Variants in USP20 observed in about 807,000 individuals in gnomAD.
USP20 encodes the protein ubiquitin specific peptidase 20.
USP20 carries 80 observed loss-of-function variants against 124.2 expected under a neutral mutation model. That is an observed-to-expected ratio of 0.64 (90% CI 0.54 to 0.78). The LOEUF is 0.78. Among genes scored for constraint, USP20 ranks in the 30% least tolerant of loss-of-function variants. The pLI, the probability that USP20 is intolerant of heterozygous loss-of-function variation, is 0.00. For missense variants in USP20, 1,043 were observed against 1,244.4 expected, an observed-to-expected ratio of 0.84 and a Z score of 2.44; for synonymous variants, 481 against 512.3, an observed-to-expected ratio of 0.94 and a Z score of 0.83.
chr9:129,869,612 G>A (rs762866457), intron 13 of USP20, 60 bp from the exon 14 acceptor site: 1 of 1,599,358 alleles, frequency 6.3e-7, no homozygotes, highest in Non-Finnish European at 8.5e-7. Context: ...CCTGCTGCTT[G>A]GGGTTTGGGG....
At chr9:129,875,856 A>ACAGG (rs1160960124) in intron 21 of USP20, among the ~76,000 whole-genome samples, 30 of 152,372 alleles carry the variant, frequency 2.0e-4, no homozygotes, top group African/African-American at 7.0e-4. Flanking sequence ...GGGACAGGAA[A>ACAGG]CTGGCTGAAG....
chr9:129,858,512 T>C lies in USP20; in HGVS notation c.244T>C (p.Trp82Arg). Residue 82 changes from tryptophan to arginine, a missense_variant, in exon 6 of 26, where the codon TGG (tryptophan) becomes CGG (arginine). Physicochemically the swap from Trp to Arg is moderately radical, Grantham distance 101. Transcript: ENST00000372429. The stretch of plus-strand genomic sequence containing the variant: ...CGTGAACCTGACCACGTTCCGACTG[T>C]GGTGTTACGCCTGTGAGAAGGAGGT... Reference protein sequence around the residue: ...LTVNLTTFRLWCYACEKEVFL... With the variant: ...LTVNLTTFRLRCYACEKEVFL... The C allele has an allele frequency of 2.5e-6, 4 of 1,614,162 alleles. No individual in the cohort carries two copies. The highest frequency in any genetic ancestry group is 3.4e-6 in the Non-Finnish European group (4 of 1,180,026).
chr9:129,850,252 G>A (rs914874466), intron 2 of USP20, among the ~76,000 whole-genome samples: 5 of 151,906 alleles, frequency 3.3e-5, no homozygotes, highest in African/African-American at 7.3e-5. Flanking sequence ...TTAATGTGAC[G>A]GTAAGTTCTG....
intron 1 of USP20, among the ~76,000 whole-genome samples, chr9:129,841,885 G>T (rs998583469): frequency 2.6e-5 from 4 of 152,100 alleles, no homozygotes; most frequent in African/African-American, 2.4e-5. Flanking sequence ...TTGCTGGGCT[G>T]GTTGGCCTGC....
chr9:129,879,675 T>C lies in USP20; in HGVS notation c.2584+31T>C. 6.2e-7 allele frequency: 1 copy of C among 1,612,198 alleles called. No homozygotes were observed. The highest frequency in any genetic ancestry group is 8.5e-7 in the Non-Finnish European group (1 of 1,178,580). On this transcript the variant is annotated intron_variant, in intron 24 of 25. Transcript: ENST00000372429. The surrounding 1 kb of genome is among the most constrained non-coding windows in gnomAD (Gnocchi z 4.2). ...TTCCCCCTGGGGTCAGCCAGGCTCC[T>C]CTCTGCCCTTCCTGGCTGCCAGGCT...
At chr9:129,880,310 C>G (rs988420349) in intron 25 of USP20, 21 bp downstream of exon 25, 4 of 1,543,484 alleles carry the variant, frequency 2.6e-6, no homozygotes, top group Admixed American at 2.0e-5. Context: ...CCGGCTGGTC[C>G]CTCCATGGCA....
intron 6 of USP20, among the ~76,000 whole-genome samples, chr9:129,860,066 C>T (rs1311956194): frequency 1.3e-5 from 2 of 151,826 alleles, no homozygotes; most frequent in East Asian, 1.9e-4. Context: ...CGCGGTGGCT[C>T]ATTCCTGTAA....
intron 11 of USP20, 138 bp downstream of exon 11, chr9:129,868,587 C>CG: frequency 7.0e-7 from 1 of 1,437,110 alleles, no homozygotes; most frequent in Non-Finnish European, 9.1e-7. Flanking sequence ...AGTCAGCCTC[C>CG]GGGGGGGCTC....
chr9:129,841,359 T>C (rs1158883843), intron 1 of USP20, among the ~76,000 whole-genome samples: 1 of 152,238 alleles, frequency 6.6e-6, no homozygotes, highest in Non-Finnish European at 1.5e-5. Flanking sequence ...GCCCTAAAGA[T>C]CTTATTTTAA....
In USP20 at chr9:129,877,654, C is replaced by T. The variant is rs115547109; in HGVS notation, c.2410-684C>T. On this transcript the variant is annotated intron_variant, in intron 22 of 25. Coordinates refer to ENST00000372429, the MANE Select transcript of USP20 (RefSeq NM_001110303.4). ...TCAAGGCTGCAGTGAGCCATGATTG[C>T]GCCGCTGCACTCCCGCCTGGGCACA... is the stretch of plus-strand genomic sequence containing the variant. Among the ~76,000 whole-genome samples the T allele has an allele frequency of 4.0e-3, 614 of 151,946 alleles. 4 individuals carry two copies. Among genetic ancestry groups the T allele is most frequent in the African/African-American group, 0.014 (594 of 41,428 alleles).
rs1174611760 is a variant in USP20, at chr9:129,878,348, C to A, written c.2420C>A (p.Ala807Asp). Reference protein sequence around the residue: ...EIDTFIKLNKAFQAEESPGVI... With the variant: ...EIDTFIKLNKDFQAEESPGVI... Reference sequence around the variant, plus strand: ...CTGCCCGCCTGCCAGTTGAACAAGGCCTTCCAGGCCGAGGAGTCGCCGGGC... The same window carrying A: ...CTGCCCGCCTGCCAGTTGAACAAGGACTTCCAGGCCGAGGAGTCGCCGGGC... The change falls in exon 23 of 26, where the codon GCC (alanine) becomes GAC (aspartate). Residue 807 changes from alanine to aspartate, a missense_variant. Physicochemically the swap from Ala to Asp is moderately radical, Grantham distance 126 (BLOSUM62 -2). Coordinates refer to ENST00000372429, the MANE Select transcript of USP20 (RefSeq NM_001110303.4). The A allele has an allele frequency of 5.0e-6, 8 of 1,592,768 alleles. No individual in the cohort carries two copies. The highest frequency in any genetic ancestry group is 6.0e-6 in the Non-Finnish European group (7 of 1,169,774).
rs1449575667 is a variant in USP20 at position 129,863,117 on chromosome 9, G to A, written c.498-69G>A. 3.1e-6 allele frequency: 4 copies of A among 1,295,494 alleles called. No individual in the cohort carries two copies. In the East Asian group the frequency reaches 1.1e-4, roughly 34 times the overall value. The allele number at this position is 1,295,494 out of a possible 1,614,324, so 80.2% of individuals were successfully genotyped here. A position where few individuals can be genotyped will look rare whatever the true frequency, so the allele number is the denominator to read the frequency against. On this transcript the variant is annotated intron_variant, in intron 8 of 25. Coordinates refer to ENST00000372429, the MANE Select transcript of USP20 (RefSeq NM_001110303.4). The stretch of plus-strand genomic sequence containing the variant: ...GCGAGCACTCAGGGCTCCCCGCTAT[G>A]CAGCCCTTTCTAAACTGCCGCATGC...
chr9:129,835,515 C>T lies in USP20; in HGVS notation c.-129+16C>T, dbSNP rs2031741831. 1 of 293,588 alleles carries T rather than the reference C, an allele frequency of 3.4e-6. No individual in the cohort carries two copies. The highest frequency in any genetic ancestry group is 6.4e-5 in the South Asian group (1 of 15,532). 18.2% of individuals were successfully genotyped at this position (293,588 alleles called of 1,614,324 possible). On this transcript the variant is annotated intron_variant, in intron 1 of 25. Transcript: ENST00000372429. ...GCGAGTGCAGGTGAGTTCCGGGCCG[C>T]CACCGGCTGCTTCTGTGGGCCGGGC...
At chr9:129,875,010 C>A (rs1267715124) in intron 19 of USP20, 55 bp downstream of exon 19, 17 of 1,593,656 alleles carry the variant, frequency 1.1e-5, no homozygotes, top group Non-Finnish European at 1.4e-5. Context: ...TCCCCTGGGA[C>A]CCATGGGCCT....
chr9:129,866,720 G>C (rs139042434), intron 10 of USP20, among the ~76,000 whole-genome samples: 1 of 152,204 alleles, frequency 6.6e-6, no homozygotes, highest in Admixed American at 6.5e-5. Context: ...ACGCAGCTGC[G>C]GGCGCCTCTT....
intron 1 of USP20, among the ~76,000 whole-genome samples, chr9:129,844,490 G>T (rs7028745): frequency 1.3e-5 from 2 of 151,530 alleles, no homozygotes; most frequent in African/African-American, 4.8e-5. Flanking sequence ...GCCAGGCGTG[G>T]GAGTGTGTGC....
chr9:129,870,390 C>A, intron 14 of USP20, 63 bp from the exon 15 acceptor site: 1 of 1,546,560 alleles, frequency 6.5e-7, no homozygotes, highest in Non-Finnish European at 8.9e-7. Flanking sequence ...CAGCCAGAGT[C>A]CCTTCAGCTC....
chr9:129,851,434 T>C (rs2032915637), intron 2 of USP20, among the ~76,000 whole-genome samples: 1 of 152,098 alleles, frequency 6.6e-6, no homozygotes, highest in Non-Finnish European at 1.5e-5. Context: ...ATAATACATC[T>C]TAGTATGTCT....
At chr9:129,849,945 C>CAGGT (rs10692648) in intron 2 of USP20, 21 bp downstream of exon 2, 22,586 of 152,020 alleles carry the variant, frequency 0.15, 2,228 homozygotes, top group African/African-American at 0.27. Flanking sequence ...GGCCTCCTCT[C>CAGGT]GGGTCCCTTC....
Sources: gnomAD v4.1 joint callset for allele counts (sites outside exome capture counted in the v4.1 genomes callset) on GRCh38, gnomAD v4.1.1 for gene constraint, Gnocchi (gnomAD v3.1) non-coding constraint, MANE v1.5 for transcripts, NCBI Gene and HGNC (gene_info 2026-07-23, HGNC 2026-07-21) for gene names.